The following TNRC6B variants were observed in gnomAD, a reference collection of about 807,000 sequenced individuals.
TNRC6B encodes the protein trinucleotide repeat containing adaptor 6B.
TNRC6B carries 52 observed loss-of-function variants against 203.6 expected under a neutral mutation model. The ratio of observed to expected loss-of-function variants is 0.26; its 90% CI spans 0.20 to 0.32. The LOEUF (loss-of-function observed/expected upper bound fraction) is 0.32, where lower values mean the gene tolerates loss of function less well. Among genes scored for constraint, TNRC6B ranks in the 10% least tolerant of loss-of-function variants. The pLI is 1.00. For missense variants in TNRC6B, 1,923 were observed against 2,286.2 expected (o/e 0.84, Z 3.24); for synonymous variants, 838 against 845.7 (o/e 0.99, Z 0.16).
At chr22:40,106,636 C>T (rs1185741789) in intron 1 of TNRC6B, 10 of 734,374 alleles carry the variant, frequency 1.4e-5, no homozygotes, top group Non-Finnish European at 2.5e-5. Context: ...GATTTGGGTA[C>T]CCCCAAGCAA....
intron 1 of TNRC6B, among the ~76,000 whole-genome samples, chr22:40,232,336 G>C (rs2069883554): frequency 6.6e-6 from 1 of 152,176 alleles, no homozygotes; most frequent in Non-Finnish European, 1.5e-5. Flanking sequence ...CAGTGGTAAG[G>C]GGATAGAAAA....
At chr22:40,260,074 C>A (rs1028127521) in intron 3 of TNRC6B, among the ~76,000 whole-genome samples, 4 of 152,064 alleles carry the variant, frequency 2.6e-5, no homozygotes, top group Non-Finnish European at 5.9e-5. Context: ...TTCACGGTTG[C>A]CCCGACATTC....
At chr22:40,177,244 A>G (rs1222257258), upstream of TNRC6B, among the ~76,000 whole-genome samples, 1 of 152,192 alleles carries the variant, frequency 6.6e-6, no homozygotes, top group African/African-American at 2.4e-5. Context: ...GCCCTAGCCC[A>G]GAGAAACTCC....
upstream of TNRC6B, among the ~76,000 whole-genome samples, chr22:40,174,475 C>T (rs2069036080): frequency 6.6e-6 from 1 of 152,208 alleles, no homozygotes; most frequent in Non-Finnish European, 1.5e-5. Flanking sequence ...GCCACCATGC[C>T]TGGCCAATCA....
rs1193167954 is a variant in TNRC6B, at chr22:40,265,945, A to C, written c.1715A>C (p.Gln572Pro). 1 of 1,614,036 alleles carries C rather than the reference A, an allele frequency of 6.2e-7. No homozygotes were observed. Among genetic ancestry groups the C allele is most frequent in the South Asian group, 1.1e-5 (1 of 91,088 alleles). Reference protein sequence around the residue: ...SSSTGSEVGGQSTGSNHKAGS... With the variant: ...SSSTGSEVGGPSTGSNHKAGS... ...TCCACAGGAAGTGAAGTTGGAGGTC[A>C]AAGCACTGGAAGCAACCACAAAGCA... Residue 572 changes from glutamine (Q) to proline (P), a missense_variant, in exon 5 of 23, where the codon CAA becomes CCA. Gln to Pro is a moderately conservative substitution (Grantham distance 76). Transcript: ENST00000454349.
intron 4 of TNRC6B, among the ~76,000 whole-genome samples, chr22:40,163,184 T>G (rs1382269396): frequency 6.7e-6 from 1 of 148,260 alleles, no homozygotes; most frequent in Non-Finnish European, 1.5e-5. Flanking sequence ...GAGGGAGAGA[T>G]GGGAGGATTG....
At chr22:40,158,429 A>ATT (rs2068838522) in intron 4 of TNRC6B, among the ~76,000 whole-genome samples, 1 of 152,158 alleles carries the variant, frequency 6.6e-6, no homozygotes, top group African/African-American at 2.4e-5. Context: ...GCATAAGCCT[A>ATT]TTTTTAAAAA....
intron 1 of TNRC6B, among the ~76,000 whole-genome samples, chr22:40,075,137 C>CATAT (rs200861275): frequency 1.5e-3 from 89 of 59,752 alleles, no homozygotes; most frequent in African/African-American, 4.5e-3. Context: ...TGGTTCTGTT[C>CATAT]ATATATATAT....
At chr22:40,141,972 G>A (rs558664733) in intron 3 of TNRC6B, among the ~76,000 whole-genome samples, 1 of 151,696 alleles carries the variant, frequency 6.6e-6, no homozygotes, top group African/African-American at 2.4e-5. Context: ...GTGTTAGCCA[G>A]GATGGTCTTG....
rs59067007 is a variant in TNRC6B, at chr22:40,200,278, CT to C, written c.5+22162del. On this transcript the variant is annotated intron_variant, in intron 1 of 22. Transcript: ENST00000454349. Reference sequence around the variant, plus strand: ...TTAAAATAATTTAAAAAGTAATATTCTTTTTTTTTTTTTTTTTTTTTTTTGA... The same window carrying C: ...TTAAAATAATTTAAAAAGTAATATTCTTTTTTTTTTTTTTTTTTTTTTTGA... Among the ~76,000 whole-genome samples the C allele has an allele frequency of 1.3e-4, 10 of 75,508 alleles. No homozygotes were observed. In the East Asian group the frequency reaches 2.3e-3, roughly 18 times the overall value. 49.5% of individuals were successfully genotyped at this position (75,508 alleles called of 152,430 possible).
intron 1 of TNRC6B, among the ~76,000 whole-genome samples, chr22:40,232,009 G>A (rs545950422): frequency 4.1e-4 from 62 of 152,304 alleles, no homozygotes; most frequent in African/African-American, 1.4e-3. Context: ...ATAGTTCCAG[G>A]CCATTTCCTG....
At chr22:40,287,504 G>T (rs905232862) in intron 12 of TNRC6B, among the ~76,000 whole-genome samples, 4 of 152,152 alleles carry the variant, frequency 2.6e-5, no homozygotes, top group African/African-American at 4.8e-5. Flanking sequence ...TTGCCTGGGA[G>T]TCTGGGACTG....
chr22:40,278,307 C>G (rs1025465762), intron 9 of TNRC6B, among the ~76,000 whole-genome samples: 1 of 150,910 alleles, frequency 6.6e-6, no homozygotes, highest in Non-Finnish European at 1.5e-5. Flanking sequence ...TGCCTGTAAT[C>G]CCAGCACTTT....
At chr22:40,183,809 G>A (rs948045844) in intron 1 of TNRC6B, among the ~76,000 whole-genome samples, 12 of 151,628 alleles carry the variant, frequency 7.9e-5, no homozygotes, top group Admixed American at 5.9e-4. Flanking sequence ...ATGCTTTTGC[G>A]TCAGCCTCCC....
chr22:40,323,066 G>T lies in TNRC6B; in HGVS notation c.5327G>T (p.Ser1776Ile), dbSNP rs762445265. The T allele has an allele frequency of 1.2e-6, 2 of 1,603,166 alleles. No individual in the cohort carries two copies. Among genetic ancestry groups the T allele is most frequent in the Non-Finnish European group, 1.7e-6 (2 of 1,174,448 alleles). Residue 1776 changes from serine (S) to isoleucine (I), a missense_variant, in exon 23 of 23, where the codon AGC becomes ATC. Physicochemically the swap from Ser to Ile is moderately radical, Grantham distance 142. This residue lies in a region of TNRC6B where 126 missense variants were observed against 137.5 expected (regional missense o/e 0.92). Transcript: ENST00000454349. Reference protein sequence around the residue: ...FGGSTGLGQWSSSAGGSSGAD... With the variant: ...FGGSTGLGQWISSAGGSSGAD... ...GGGTCCACTGGGCTCGGGCAGTGGA[G>T]CAGCAGCGCTGGTGGCAGCAGCGGG...
At chr22:40,285,133 T>C (rs146932310) in intron 11 of TNRC6B, among the ~76,000 whole-genome samples, 14 of 152,304 alleles carry the variant, frequency 9.2e-5, no homozygotes, top group Middle Eastern at 3.4e-3. Context: ...CATTTCCTCA[T>C]CTGTCAAAGA....
At chr22:40,294,543 A>G (rs893467738) in intron 12 of TNRC6B, among the ~76,000 whole-genome samples, 2 of 152,208 alleles carry the variant, frequency 1.3e-5, no homozygotes, top group African/African-American at 4.8e-5. Flanking sequence ...TGAGGTTCCC[A>G]GTGGGCATGA....
At chr22:40,088,396 T>C (rs1361518502) in intron 1 of TNRC6B, among the ~76,000 whole-genome samples, 2 of 152,032 alleles carry the variant, frequency 1.3e-5, no homozygotes, top group Non-Finnish European at 2.9e-5. Flanking sequence ...TGCAACTTAT[T>C]TATTTTGTTT....
chr22:40,162,148 G>A (rs1238347119), intron 4 of TNRC6B, among the ~76,000 whole-genome samples: 2 of 152,126 alleles, frequency 1.3e-5, no homozygotes, highest in East Asian at 3.8e-4. Flanking sequence ...CCAAACTGGA[G>A]TGCAATGGCG....
Sources: allele counts gnomAD v4.1 joint callset (sites outside exome capture counted in the v4.1 genomes callset), GRCh38; gene constraint gnomAD v4.1.1; regional missense constraint gnomAD v4.1.1; transcripts MANE v1.5; gene names NCBI Gene and HGNC (gene_info 2026-07-23, HGNC 2026-07-21).